The following ENDOD1 variants were observed in gnomAD, a reference collection of about 807,000 sequenced individuals.
ENDOD1 encodes endonuclease domain containing 1.
In ENDOD1, 9 loss-of-function variants were observed where a neutral mutation model predicts 6.5. That is an observed-to-expected ratio of 1.39 (90% CI 0.84 to 2.43). ENDOD1 has a LOEUF of 2.43. Among genes scored for constraint, ENDOD1 ranks in the 30% most tolerant of loss-of-function variants. The pLI is 0.00. For synonymous variants in ENDOD1, 255 were observed against 255.2 expected (o/e 1.00, Z 0.01); for missense variants, 648 against 635.5 (o/e 1.02, Z -0.21).
At chr11:95,099,109 G>A (rs750684441) in intron 1 of ENDOD1, among the ~76,000 whole-genome samples, 1 of 152,094 alleles carries the variant, frequency 6.6e-6, no homozygotes, top group Non-Finnish European at 1.5e-5. Context: ...TGGGCCGAGG[G>A]TGCTCTGCCC....
chr11:95,110,663 C>T (rs1859140729), intron 1 of ENDOD1, among the ~76,000 whole-genome samples: 1 of 152,044 alleles, frequency 6.6e-6, no homozygotes, highest in South Asian at 2.1e-4. Context: ...CCTCTCTCCC[C>T]TTTTCCATTC....
chr11:95,103,040 C>G (rs1859056060), intron 1 of ENDOD1, among the ~76,000 whole-genome samples: 1 of 151,018 alleles, frequency 6.6e-6, no homozygotes, highest in Non-Finnish European at 1.5e-5. Context: ...ATATTGGGTA[C>G]CATTCTATTT....
In ENDOD1 at chr11:95,131,746, C is replaced by A. The variant is rs888632244; in HGVS notation, c.*2167C>A. ...GCACATATTTGCATACTGAAAGGTC[C>A]GAAAAGGGCATCCACGGCAGCTTGA... On this transcript the variant is annotated 3_prime_UTR_variant, in exon 2 of 2. Coordinates refer to ENST00000278505, the MANE Select transcript of ENDOD1 (RefSeq NM_015036.3). The A allele has an allele frequency of 6.6e-6, 1 of 152,178 alleles. No individual in the cohort carries two copies. Among genetic ancestry groups the A allele is most frequent in the East Asian group, 1.9e-4 (1 of 5,190 alleles). 9.4% of individuals were successfully genotyped at this position (152,178 alleles called of 1,614,324 possible).
chr11:95,107,938 A>C (rs191792806), intron 1 of ENDOD1, among the ~76,000 whole-genome samples: 1 of 152,192 alleles, frequency 6.6e-6, no homozygotes, highest in Admixed American at 6.5e-5. Context: ...AAGTTCTGGG[A>C]TTACAGGCGT....
chr11:95,114,518 C>A (rs1837716630), intron 1 of ENDOD1, among the ~76,000 whole-genome samples: 2 of 152,020 alleles, frequency 1.3e-5, no homozygotes, highest in East Asian at 3.8e-4. Context: ...ATCCATTTGT[C>A]CATTTTTGTT....
intron 1 of ENDOD1, among the ~76,000 whole-genome samples, chr11:95,102,342 C>T (rs1315975816): frequency 4.7e-5 from 7 of 147,844 alleles, no homozygotes; most frequent in African/African-American, 1.5e-4. Context: ...TACATATCAT[C>T]GTGAAGCAGA....
chr11:95,123,588 CA>C (rs71930134), intron 1 of ENDOD1, among the ~76,000 whole-genome samples: 67 of 134,972 alleles, frequency 5.0e-4, no homozygotes, highest in South Asian at 1.9e-3. Context: ...GTATAAATAC[CA>C]AAAAAAAAAA....
chr11:95,097,948 A>G (rs1425339256), intron 1 of ENDOD1, among the ~76,000 whole-genome samples: 2 of 152,216 alleles, frequency 1.3e-5, no homozygotes, highest in Non-Finnish European at 2.9e-5. Flanking sequence ...CTGGTTGAGT[A>G]TCCCTAATCT....
At chr11:95,124,851 A>G (rs1859296131) in intron 1 of ENDOD1, among the ~76,000 whole-genome samples, 1 of 152,202 alleles carries the variant, frequency 6.6e-6, no homozygotes, top group African/African-American at 2.4e-5. Context: ...CTGGAAGACC[A>G]CGCATAGCAG....
chr11:95,122,809 A>G (rs538391356), intron 1 of ENDOD1, among the ~76,000 whole-genome samples: 2 of 152,350 alleles, frequency 1.3e-5, no homozygotes, highest in African/African-American at 4.8e-5. Context: ...GTTTTGTCAT[A>G]GGTTAAAAAA....
intron 1 of ENDOD1, among the ~76,000 whole-genome samples, chr11:95,109,944 G>T (rs1859130827): frequency 6.6e-6 from 1 of 152,234 alleles, no homozygotes; most frequent in Admixed American, 6.5e-5. Context: ...CCACACCTAG[G>T]CCAGTTCTTT....
chr11:95,127,990 C>G (rs1267990495), intron 1 of ENDOD1, among the ~76,000 whole-genome samples: 1 of 152,120 alleles, frequency 6.6e-6, no homozygotes. Flanking sequence ...GAACTCCTGA[C>G]CTCAGATGAT....
At chr11:95,102,931 C>G (rs1317266142) in intron 1 of ENDOD1, among the ~76,000 whole-genome samples, 1 of 152,166 alleles carries the variant, frequency 6.6e-6, no homozygotes, top group Non-Finnish European at 1.5e-5. Flanking sequence ...ATGAGAGCGA[C>G]TCATAATTGA....
intron 1 of ENDOD1, among the ~76,000 whole-genome samples, chr11:95,100,114 A>T (rs1213076475): frequency 6.6e-6 from 1 of 152,190 alleles, no homozygotes; most frequent in African/African-American, 2.4e-5. Context: ...CTTCATAGAC[A>T]TGAGGTGTTT....
intron 1 of ENDOD1, among the ~76,000 whole-genome samples, chr11:95,118,688 T>G (rs1398877862): frequency 6.6e-6 from 1 of 152,236 alleles, no homozygotes; most frequent in Admixed American, 6.5e-5. Flanking sequence ...TACCTGGATA[T>G]TGATGTCTTT....
Position 95,098,390 on chromosome 11 carries a change from G to A in ENDOD1, c.300+8163G>A, listed in dbSNP as rs112843873. Among the ~76,000 whole-genome samples, 7 of 152,276 alleles carry A rather than the reference G, an allele frequency of 4.6e-5. No individual in the cohort carries two copies. In the East Asian group the frequency reaches 1.2e-3, roughly 25 times the overall value. ...AACAAAAGGACACAAGGAAAGTATG[G>A]GAGGTGTTGGACATGTCTCCCTCCT... On this transcript the variant is annotated intron_variant, in intron 1 of 1. Transcript: ENST00000278505.
In ENDOD1 at chr11:95,089,867, C is replaced by G. The variant is rs1858907080; in HGVS notation, c.-61C>G. On this transcript the variant is annotated 5_prime_UTR_variant, in exon 1 of 2. Transcript: ENST00000278505. ...CTGCGTAGTGCGCTCCCCGCCCAGCCTGCAGAGCTCGCGCCGCGGCAGCCC... is the reference window on the plus strand; with the variant it reads ...CTGCGTAGTGCGCTCCCCGCCCAGCGTGCAGAGCTCGCGCCGCGGCAGCCC... 7.8e-6 allele frequency: 10 copies of G among 1,281,742 alleles called. No homozygotes were observed. The highest frequency in any genetic ancestry group is 1.6e-5 in the African/African-American group (1 of 63,892). The allele number at this position is 1,281,742 out of a possible 1,614,324, so 79.4% of individuals were successfully genotyped here. A position where few individuals can be genotyped will look rare whatever the true frequency, so the allele number is the denominator to read the frequency against.
At chr11:95,104,023 T>C (rs563697136) in intron 1 of ENDOD1, among the ~76,000 whole-genome samples, 3 of 152,334 alleles carry the variant, frequency 2.0e-5, no homozygotes, top group South Asian at 4.1e-4. Context: ...CAGCTTTTAG[T>C]CTGGATTCAG....
rs1003368060 is a variant in ENDOD1 at position 95,130,943 on chromosome 11, A to G, written c.*1364A>G. ...AATTGCTGAGAGGTAGAAACAGCCA[A>G]GTATGAAATACTGATCTTGGGGCTA... On this transcript the variant is annotated 3_prime_UTR_variant, in exon 2 of 2. Coordinates refer to ENST00000278505, the MANE Select transcript of ENDOD1 (RefSeq NM_015036.3). 2 of 152,280 alleles carry G rather than the reference A, an allele frequency of 1.3e-5. No individual in the cohort carries two copies. Among genetic ancestry groups the G allele is most frequent in the Admixed American group, 6.5e-5 (1 of 15,292 alleles). 9.4% of individuals were successfully genotyped at this position (152,280 alleles called of 1,614,324 possible). A position where few individuals can be genotyped will look rare whatever the true frequency, so the allele number is the denominator to read the frequency against.
Sources: gnomAD v4.1 joint callset for allele counts (sites outside exome capture counted in the v4.1 genomes callset) on GRCh38, gnomAD v4.1.1 for gene constraint, MANE v1.5 for transcripts, NCBI Gene and HGNC (gene_info 2026-07-23, HGNC 2026-07-21) for gene names.